The following SPDYE5 variants were observed in gnomAD, a reference collection of about 807,000 sequenced individuals.
SPDYE5 encodes the protein speedy protein E5.
In SPDYE5, 15 loss-of-function variants were observed where a neutral mutation model predicts 48.5. The ratio of observed to expected loss-of-function variants is 0.31; its 90% confidence interval spans 0.21 to 0.48. SPDYE5 has a LOEUF of 0.48. Among genes scored for constraint, SPDYE5 ranks in the 20% least tolerant of loss-of-function variants. SPDYE5 has a pLI of 0.99. For synonymous variants in SPDYE5, 116 were observed against 200.7 expected (o/e 0.58, Z 3.57); for missense variants, 331 against 549.1 (o/e 0.60, Z 3.97).
At chr7:75,498,074 C>G in intron 5 of SPDYE5, 78 bp downstream of exon 5, 2 of 1,475,538 alleles carry the variant, frequency 1.4e-6, no homozygotes, top group South Asian at 2.3e-5. Flanking sequence ...ACCCACAGTT[C>G]TCCCTCCACC....
At chr7:75,500,853 G>A (rs1266996482) in intron 6 of SPDYE5, among the ~76,000 whole-genome samples, 1 of 152,002 alleles carries the variant, frequency 6.6e-6, no homozygotes, top group African/African-American at 2.4e-5. Flanking sequence ...GGCCTAACGG[G>A]TGTGCCACCG....
chr7:75,493,001 T>A (rs1377441588), intron 1 of SPDYE5, among the ~76,000 whole-genome samples: 1 of 151,630 alleles, frequency 6.6e-6, no homozygotes, highest in African/African-American at 2.4e-5. Context: ...GGGCTCTTAC[T>A]ATGTTGCCTA....
rs1318950781 is a variant in SPDYE5 at position 75,493,630 on chromosome 7, G to T, written c.-418G>T. On this transcript the variant is annotated 5_prime_UTR_variant, in exon 2 of 9. Coordinates refer to ENST00000625065, the MANE Select transcript of SPDYE5 (RefSeq NM_001306141.4). ...ACTCTGTTCCCTCTCCCACCAGACTGGACTCTGAAATGGGCATGTACAGAG... is the reference window on the plus strand; with the variant it reads ...ACTCTGTTCCCTCTCCCACCAGACTTGACTCTGAAATGGGCATGTACAGAG... 4.7e-6 allele frequency: 6 copies of T among 1,289,006 alleles called. No individual in the cohort carries two copies. The highest frequency in any genetic ancestry group is 1.5e-5 in the African/African-American group (1 of 66,070). The allele number at this position is 1,289,006 out of a possible 1,614,324, so 79.8% of individuals were successfully genotyped here.
In SPDYE5 at chr7:75,501,405, C is replaced by G. The variant is rs1236412612; in HGVS notation, c.799C>G (p.Gln267Glu). 6.2e-7 allele frequency: 1 copy of G among 1,612,540 alleles called. No individual in the cohort carries two copies. Among genetic ancestry groups the G allele is most frequent in the African/African-American group, 1.3e-5 (1 of 74,892 alleles). ...DMEEDDEDSK[Q>E]NIFHFLYGKN... ...GGAGGAGGACGACGAGGACTCCAAA[C>G]AAAACATCTTCCACTTCCTGTATGG... The change falls in exon 7 of 9, where the codon CAA becomes GAA. Residue 267 changes from glutamine to glutamate, a missense_variant. Gln to Glu is a conservative substitution (Grantham distance 29). Transcript: ENST00000625065.
chr7:75,502,231 C>T (rs1372128338), intron 8 of SPDYE5, among the ~76,000 whole-genome samples: 71 of 143,768 alleles, frequency 4.9e-4, no homozygotes, highest in African/African-American at 1.8e-3. Flanking sequence ...CCACTGCACT[C>T]CAGCCCGGGC....
At chr7:75,502,443 G>A (rs1186003253) in intron 8 of SPDYE5, among the ~76,000 whole-genome samples, 20 of 152,216 alleles carry the variant, frequency 1.3e-4, no homozygotes, top group African/African-American at 4.3e-4. Flanking sequence ...TTCTGGACTC[G>A]TGGTTCGTGA....
chr7:75,502,449 C>T (rs770469191), intron 8 of SPDYE5, among the ~76,000 whole-genome samples: 1 of 152,058 alleles, frequency 6.6e-6, no homozygotes, highest in African/African-American at 2.4e-5. Context: ...ACTCGTGGTT[C>T]GTGATGTTGT....
At chr7:75,497,161 T>A (rs62477722) in intron 4 of SPDYE5, among the ~76,000 whole-genome samples, 2 of 151,774 alleles carry the variant, frequency 1.3e-5, no homozygotes, top group African/African-American at 2.4e-5. Context: ...GATCCCAGCA[T>A]GTTGGGAGGC....
chr7:75,493,817 G>C lies in SPDYE5; in HGVS notation c.-231G>C. On this transcript the variant is annotated 5_prime_UTR_variant, in exon 2 of 9. Transcript: ENST00000625065. ...CATTCACCCAGGATCTCCAGGACAA[G>C]AGATCAGCCTGGCAGTTACATGTGT... The C allele has an allele frequency of 1.4e-6, 2 of 1,433,794 alleles. No individual in the cohort carries two copies. The highest frequency in any genetic ancestry group is 1.8e-6 in the Non-Finnish European group (2 of 1,098,794). The allele number at this position is 1,433,794 out of a possible 1,614,324, so 88.8% of individuals were successfully genotyped here. A position where few individuals can be genotyped will look rare whatever the true frequency, so the allele number is the denominator to read the frequency against.
rs1311181852 is a variant in SPDYE5 at position 75,503,252 on chromosome 7, T to C, written c.*465T>C. ...TTCTGTGAAATATCAGTGCCACAGA[T>C]TGTAACAGATAGCTTCATGCACACT... On this transcript the variant is annotated 3_prime_UTR_variant, in exon 9 of 9. Transcript: ENST00000625065. 1.3e-5 allele frequency: 4 copies of C among 314,942 alleles called. No homozygotes were observed. The highest frequency in any genetic ancestry group is 2.5e-5 in the Non-Finnish European group (4 of 161,850). The allele number at this position is 314,942 out of a possible 1,614,324, so 19.5% of individuals were successfully genotyped here.
chr7:75,491,654 G>A (rs1376074939), upstream of SPDYE5, among the ~76,000 whole-genome samples: 3 of 140,770 alleles, frequency 2.1e-5, no homozygotes, highest in Non-Finnish European at 4.6e-5. Context: ...AGAGGTGACT[G>A]TTTTGCTTTT....
chr7:75,496,610 T>G (rs1359594606), intron 3 of SPDYE5, 64 bp from the exon 4 acceptor site: 6 of 1,596,782 alleles, frequency 3.8e-6, no homozygotes, highest in Non-Finnish European at 5.1e-6. Context: ...TTTGGGGTTT[T>G]GGGTTGGGCT....
intron 4 of SPDYE5, among the ~76,000 whole-genome samples, chr7:75,497,446 A>T (rs1196370925): frequency 1.3e-5 from 2 of 150,852 alleles, no homozygotes; most frequent in Admixed American, 6.6e-5. Flanking sequence ...ATAAATTAAT[A>T]AATAAATAAA....
intron 1 of SPDYE5, among the ~76,000 whole-genome samples, 125 bp downstream of exon 1, chr7:75,492,566 T>C (rs1743920142): frequency 6.6e-6 from 1 of 151,652 alleles, no homozygotes. Flanking sequence ...CTCTCCTGAG[T>C]AGCTGCGATT....
At chr7:75,494,489 G>A (rs1183649658) in intron 2 of SPDYE5, among the ~76,000 whole-genome samples, 1 of 146,686 alleles carries the variant, frequency 6.8e-6, no homozygotes, top group African/African-American at 2.5e-5. Context: ...AGAGGTTGCA[G>A]TGAGCTGAGA....
chr7:75,498,013 T>G lies in SPDYE5; in HGVS notation c.669+17T>G. 6.3e-7 allele frequency: 1 copy of G among 1,595,846 alleles called. No homozygotes were observed. The highest frequency in any genetic ancestry group is 8.5e-7 in the Non-Finnish European group (1 of 1,179,334). ...TCGGACAAGGTAAGGTTGTTCTCCA[T>G]GTAACTGTTCCTGTTCCAACGCATG... is the stretch of plus-strand genomic sequence containing the variant. On this transcript the variant is annotated intron_variant, in intron 5 of 8. Coordinates refer to ENST00000625065, the MANE Select transcript of SPDYE5 (RefSeq NM_001306141.4).
intron 2 of SPDYE5, 29 bp downstream of exon 2, chr7:75,494,236 G>A: frequency 1.3e-6 from 2 of 1,534,192 alleles, no homozygotes; most frequent in East Asian, 2.4e-5. Context: ...GAAGAGGTGG[G>A]ATAGGATTGA....
chr7:75,499,659 C>A (rs371370485), intron 6 of SPDYE5, among the ~76,000 whole-genome samples: 1 of 148,508 alleles, frequency 6.7e-6, no homozygotes, highest in African/African-American at 2.5e-5. Context: ...CCCAGCTACT[C>A]GAGAGGCTGA....
rs1337346316 is a variant in SPDYE5 at position 75,503,872 on chromosome 7, A to C, written c.*1085A>C. The C allele has an allele frequency of 6.6e-6, 1 of 151,524 alleles. No homozygotes were observed. The highest frequency in any genetic ancestry group is 1.5e-5 in the Non-Finnish European group (1 of 67,888). The allele number at this position is 151,524 out of a possible 1,614,324, so 9.4% of individuals were successfully genotyped here. A position where few individuals can be genotyped will look rare whatever the true frequency, so the allele number is the denominator to read the frequency against. On this transcript the variant is annotated 3_prime_UTR_variant, in exon 9 of 9. Coordinates refer to ENST00000625065, the MANE Select transcript of SPDYE5 (RefSeq NM_001306141.4). ...TTGAAATACTGCTATTTTTGAATAG[A>C]TGCTGTTTCTATAAAGCTGTGTGAT...
Sources: allele counts gnomAD v4.1 joint callset (sites outside exome capture counted in the v4.1 genomes callset), GRCh38; gene constraint gnomAD v4.1.1; transcripts MANE v1.5; gene names NCBI Gene and HGNC (gene_info 2026-07-23, HGNC 2026-07-21).